Variants in ESRRG observed in about 807,000 individuals in gnomAD.
ESRRG encodes the protein estrogen-related receptor gamma.
ESRRG carries 13 observed loss-of-function variants against 44.0 expected under a neutral mutation model. The ratio of observed to expected loss-of-function variants is 0.30; its 90% CI spans 0.19 to 0.47. The LOEUF (loss-of-function observed/expected upper bound fraction) is 0.47, where lower values mean the gene tolerates loss of function less well. Ranked by LOEUF, ESRRG falls within the 20% of genes least tolerant of loss-of-function variation. The pLI is 1.00. For missense variants in ESRRG, 395 were observed against 580.6 expected, an observed-to-expected ratio of 0.68 and a Z score of 3.29; for synonymous variants, 215 against 214.6, an observed-to-expected ratio of 1.00 and a Z score of -0.02.
chr1:216,952,459 A>G (rs900882507), intron 1 of ESRRG, among the ~76,000 whole-genome samples: 3 of 152,140 alleles, frequency 2.0e-5, no homozygotes, highest in African/African-American at 7.2e-5. Flanking sequence ...ATCTTATTGC[A>G]TTCCTGAATC....
At chr1:217,045,183 T>C (rs1158032959) in intron 1 of ESRRG, among the ~76,000 whole-genome samples, 1 of 152,212 alleles carries the variant, frequency 6.6e-6, no homozygotes, top group Non-Finnish European at 1.5e-5. Flanking sequence ...CAAGGCACTC[T>C]TTGTGCATGT....
At chr1:216,748,513 C>T (rs541415574) in intron 2 of ESRRG, among the ~76,000 whole-genome samples, 1 of 152,204 alleles carries the variant, frequency 6.6e-6, no homozygotes, top group South Asian at 2.1e-4. Flanking sequence ...TTTATACAGG[C>T]TGTTGTCCAC....
intron 2 of ESRRG, among the ~76,000 whole-genome samples, chr1:216,866,148 C>T (rs116056604): frequency 1.2e-3 from 180 of 152,234 alleles, no homozygotes; most frequent in Non-Finnish European, 2.2e-3. Context: ...ATCATGTCTC[C>T]CATTTTTATG....
intron 2 of ESRRG, among the ~76,000 whole-genome samples, chr1:216,856,919 A>T (rs1396900191): frequency 6.6e-6 from 1 of 152,154 alleles, no homozygotes; most frequent in Admixed American, 6.5e-5. Flanking sequence ...GTCTTTTTTT[A>T]AAAATAAATT....
At chr1:217,043,608 C>G (rs922104369) in intron 1 of ESRRG, among the ~76,000 whole-genome samples, 2 of 151,988 alleles carry the variant, frequency 1.3e-5, no homozygotes, top group Non-Finnish European at 2.9e-5. Context: ...TTTCATTGCT[C>G]TTACATTGAG....
intron 2 of ESRRG, among the ~76,000 whole-genome samples, chr1:216,660,474 C>T (rs1303267957): frequency 6.6e-6 from 1 of 152,140 alleles, no homozygotes; most frequent in Admixed American, 6.5e-5. Context: ...AGCACTAGAG[C>T]CAGGATTTGA....
intron 3 of ESRRG, among the ~76,000 whole-genome samples, chr1:216,621,666 T>C (rs1456905673): frequency 6.6e-6 from 1 of 152,198 alleles, no homozygotes; most frequent in Non-Finnish European, 1.5e-5. Context: ...GACAAAATTT[T>C]ACTCTCCAAA....
chr1:216,813,100 T>A (rs2095028575), intron 2 of ESRRG, among the ~76,000 whole-genome samples: 1 of 152,120 alleles, frequency 6.6e-6, no homozygotes, highest in African/African-American at 2.4e-5. Context: ...AGATGCCCAG[T>A]CACTAACAGA....
intron 1 of ESRRG, among the ~76,000 whole-genome samples, chr1:216,695,309 A>G (rs2079921053): frequency 6.6e-6 from 1 of 152,038 alleles, no homozygotes; most frequent in South Asian, 2.1e-4. Flanking sequence ...ATTATGTAGA[A>G]CTAAACACAC....
chr1:217,004,512 C>T (rs1330002386), intron 1 of ESRRG, among the ~76,000 whole-genome samples: 2 of 152,084 alleles, frequency 1.3e-5, no homozygotes, highest in Non-Finnish European at 2.9e-5. Context: ...GTAGTACTGT[C>T]AGTCCATTAA....
At chr1:216,525,047 A>G (rs1277596103) in intron 5 of ESRRG, among the ~76,000 whole-genome samples, 2 of 152,220 alleles carry the variant, frequency 1.3e-5, no homozygotes, top group African/African-American at 4.8e-5. Context: ...ACATGCCCCC[A>G]TAGACGTGGT....
intron 2 of ESRRG, among the ~76,000 whole-genome samples, chr1:216,764,356 G>A (rs888181734): frequency 1.3e-5 from 2 of 151,224 alleles, no homozygotes; most frequent in African/African-American, 4.9e-5. Flanking sequence ...TGCAACCTCT[G>A]CCTCCCAGGT....
At chr1:217,088,108 T>G (rs914175769) in intron 1 of ESRRG, among the ~76,000 whole-genome samples, 4 of 152,236 alleles carry the variant, frequency 2.6e-5, no homozygotes, top group Non-Finnish European at 5.9e-5. Flanking sequence ...TTTCTGTCTT[T>G]TTCTCTAAGA....
intron 2 of ESRRG, among the ~76,000 whole-genome samples, chr1:216,825,039 A>ATTCC (rs1483900339): frequency 1.2e-4 from 19 of 152,110 alleles, no homozygotes; most frequent in Admixed American, 5.9e-4. Context: ...TGAAGACTTG[A>ATTCC]TCCATCTGCT....
At chr1:216,742,747 T>C (rs59285874) in intron 2 of ESRRG, among the ~76,000 whole-genome samples, 5,267 of 152,174 alleles carry the variant, frequency 0.035, 118 homozygotes, top group Middle Eastern at 0.051. Context: ...TGAATCGTTA[T>C]GAACACCAAA....
At chr1:216,876,976 A>ATGTGTG (rs61039286) in intron 2 of ESRRG, among the ~76,000 whole-genome samples, 1,723 of 145,438 alleles carry the variant, frequency 0.012, 20 homozygotes, top group South Asian at 0.032. Flanking sequence ...CTCTTCACTA[A>ATGTGTG]TGTGTGTGTG....
chr1:217,107,133 C>T (rs1482833252), intron 1 of ESRRG, among the ~76,000 whole-genome samples: 1 of 152,172 alleles, frequency 6.6e-6, no homozygotes, highest in East Asian at 1.9e-4. Context: ...TATTAATAGT[C>T]TGGCTTAATC....
At chr1:216,606,225 A>G (rs868309189) in intron 3 of ESRRG, among the ~76,000 whole-genome samples, 13 of 152,172 alleles carry the variant, frequency 8.5e-5, no homozygotes, top group African/African-American at 2.9e-4. Flanking sequence ...TCAATAATAC[A>G]AGAGGCTTCT....
intron 1 of ESRRG, among the ~76,000 whole-genome samples, chr1:216,943,981 T>A (rs1197848916): frequency 6.6e-6 from 1 of 152,140 alleles, no homozygotes; most frequent in Non-Finnish European, 1.5e-5. Context: ...TATTAAGAGA[T>A]AAAATGTCAT....
Sources: allele counts gnomAD v4.1 joint callset (sites outside exome capture counted in the v4.1 genomes callset), GRCh38; gene constraint gnomAD v4.1.1; transcripts MANE v1.5; gene names NCBI Gene and HGNC (gene_info 2026-07-23, HGNC 2026-07-21).